Variants in AKAP11 observed in about 807,000 individuals in gnomAD.
AKAP11 encodes A-kinase anchoring protein 11, also known as A-kinase anchor protein 11.
A neutral mutation model predicts 146.1 loss-of-function variants in AKAP11; 36 were observed. The ratio of observed to expected loss-of-function variants is 0.25; its 90% CI spans 0.19 to 0.33. The LOEUF (loss-of-function observed/expected upper bound fraction) is 0.33, where lower values mean the gene tolerates loss of function less well. Ranked by LOEUF, AKAP11 falls within the 10% of genes least tolerant of loss-of-function variation. The probability of loss-of-function intolerance (pLI) is 1.00; values close to 1 mark genes in which losing one functional copy is unlikely to be tolerated. For missense variants in AKAP11, 2,201 were observed against 2,197.0 expected (o/e 1.00, Z -0.04); for synonymous variants, 780 against 786.5 (o/e 0.99, Z 0.14).
At chr13:42,288,800 G>A (rs1211950224) in intron 3 of AKAP11, among the ~76,000 whole-genome samples, 1 of 152,034 alleles carries the variant, frequency 6.6e-6, no homozygotes, top group African/African-American at 2.4e-5. Context: ...TTTCACATCT[G>A]GATTTCTCTG....
intron 9 of AKAP11, among the ~76,000 whole-genome samples, chr13:42,308,914 A>C (rs999090475): frequency 6.7e-6 from 1 of 148,728 alleles, no homozygotes; most frequent in African/African-American, 2.5e-5. Context: ...TTTTTTTTTC[A>C]CTTTAAAAAG....
chr13:42,303,069 A>G lies in AKAP11; in HGVS notation c.4323A>G (p.Glu1441=). The part of the protein sequence containing the change: ...EGYFCKNQTC[E]RTLDPYRNEV... The stretch of plus-strand genomic sequence containing the variant: ...ACTTTTGTAAAAATCAAACTTGTGA[A>G]AGGACCCTGGATCCATATAGAAATG... Residue 1441 remains glutamate (E), a synonymous_variant, in exon 8 of 13, where the codon GAA becomes GAG. Transcript: ENST00000025301. The G allele has an allele frequency of 6.2e-7, 1 of 1,613,204 alleles. No individual in the cohort carries two copies. Among genetic ancestry groups the G allele is most frequent in the Non-Finnish European group, 8.5e-7 (1 of 1,179,844 alleles).
Position 42,297,141 on chromosome 13 carries a change from A to G in AKAP11, c.310A>G (p.Ile104Val). Residue 104 changes from isoleucine (I) to valine (V), a missense_variant, in exon 6 of 13, where the codon ATA becomes GTA. Coordinates refer to ENST00000025301, the MANE Select transcript of AKAP11 (RefSeq NM_016248.4). ...NENEIICMKN[I>V]NKPLDISSDP... ...AAATGAAATTATTTGTATGAAGAAT[A>G]TAAATAAACCATTAGATATAAGCAG... The G allele has an allele frequency of 2.5e-6, 4 of 1,572,250 alleles. No homozygotes were observed. Among genetic ancestry groups the G allele is most frequent in the Middle Eastern group, 1.7e-4 (1 of 5,772 alleles).
chr13:42,301,187 G>A lies in AKAP11; in HGVS notation c.2441G>A (p.Gly814Asp). Reference protein sequence around the residue: ...HLSSDDSNSNGDSAQVHIATK... With the variant: ...HLSSDDSNSNDDSAQVHIATK... Reference sequence around the variant, plus strand: ...TCATCTGATGATAGTAATTCAAATGGTGATTCTGCCCAAGTGCATATTGCC... The same window carrying A: ...TCATCTGATGATAGTAATTCAAATGATGATTCTGCCCAAGTGCATATTGCC... Residue 814 changes from glycine (G) to aspartate (D), a missense_variant, in exon 8 of 13, where the codon GGT (glycine) becomes GAT (aspartate). Around this residue, in one of 3 missense-constraint regions of AKAP11, gnomAD observed 1,867 missense variants for 1,833.5 expected, o/e 1.02. Coordinates refer to ENST00000025301, the MANE Select transcript of AKAP11 (RefSeq NM_016248.4). 6.2e-7 allele frequency: 1 copy of A among 1,614,054 alleles called. No homozygotes were observed. Among genetic ancestry groups the A allele is most frequent in the Non-Finnish European group, 8.5e-7 (1 of 1,179,956 alleles).
intron 1 of AKAP11, among the ~76,000 whole-genome samples, chr13:42,280,225 C>T (rs1293444981): frequency 6.6e-6 from 1 of 152,192 alleles, no homozygotes; most frequent in African/African-American, 2.4e-5. Context: ...TCAGGGATCA[C>T]AATCCCGTGT....
Position 42,308,575 on chromosome 13 carries a change from G to A in AKAP11, c.5239G>A (p.Asp1747Asn). The A allele has an allele frequency of 6.2e-7, 1 of 1,613,078 alleles. No homozygotes were observed. The highest frequency in any genetic ancestry group is 1.7e-5 in the Admixed American group (1 of 59,976). Reference protein sequence around the residue: ...SNLSFEDEHQDESSSFHHLSE... With the variant: ...SNLSFEDEHQNESSSFHHLSE... ...TTTAAGTTTTGAAGATGAACACCAA[G>A]ATGAAAGCAGCAGTTTTCATCATCT... Residue 1747 changes from aspartate to asparagine, a missense_variant, in exon 9 of 13, where the codon GAT (aspartate) becomes AAT (asparagine). Physicochemically the swap from Asp to Asn is conservative, Grantham distance 23. Around this residue, in one of 3 missense-constraint regions of AKAP11, gnomAD observed 1,867 missense variants for 1,833.5 expected, o/e 1.02. Transcript: ENST00000025301.
At chr13:42,306,323 C>T (rs571768430) in intron 8 of AKAP11, among the ~76,000 whole-genome samples, 104 of 152,288 alleles carry the variant, frequency 6.8e-4, no homozygotes, top group African/African-American at 2.4e-3. Context: ...GTCTGCCCTA[C>T]GGACCCATCC....
Position 42,300,037 on chromosome 13 carries a change from C to T in AKAP11, c.1291C>T (p.Pro431Ser). The T allele has an allele frequency of 6.2e-7, 1 of 1,613,938 alleles. No individual in the cohort carries two copies. The highest frequency in any genetic ancestry group is 8.5e-7 in the Non-Finnish European group (1 of 1,179,834). ...TCCATATGGTAACCTGTGTGATGCT[C>T]CGGATTCTCCTCGCCCAGTGAAGGC... ...ESPYGNLCDA[P>S]DSPRPVKASR... The change falls in exon 8 of 13, where the codon CCG becomes TCG. Residue 431 changes from proline (P) to serine (S), a missense_variant. Around this residue, in one of 3 missense-constraint regions of AKAP11, gnomAD observed 1,867 missense variants for 1,833.5 expected, o/e 1.02. Transcript: ENST00000025301.
At chr13:42,279,705 G>A (rs910404995) in intron 1 of AKAP11, among the ~76,000 whole-genome samples, 4 of 151,616 alleles carry the variant, frequency 2.6e-5, no homozygotes, top group Admixed American at 2.0e-4. Context: ...TTTTCTCTTG[G>A]TTATGGTTCA....
chr13:42,315,163 A>G (rs977423839), intron 11 of AKAP11, among the ~76,000 whole-genome samples: 1 of 152,196 alleles, frequency 6.6e-6, no homozygotes, highest in African/African-American at 2.4e-5. Flanking sequence ...TTACTTTATG[A>G]CACCTGAATT....
chr13:42,302,798 A>G lies in AKAP11; in HGVS notation c.4052A>G (p.Gln1351Arg), dbSNP rs746244978. ...VTDEYAGHLI[Q>R]ILKQEGGNSE... The stretch of plus-strand genomic sequence containing the variant: ...GATGAATATGCAGGTCACCTTATTC[A>G]GATACTAAAACAGGAAGGTGGTAAT... Residue 1351 changes from glutamine to arginine, a missense_variant, in exon 8 of 13, where the codon CAG becomes CGG. By Grantham distance (43) the Gln-to-Arg change is conservative. Coordinates refer to ENST00000025301, the MANE Select transcript of AKAP11 (RefSeq NM_016248.4). 1.9e-6 allele frequency: 3 copies of G among 1,614,018 alleles called. No individual in the cohort carries two copies. Among genetic ancestry groups the G allele is most frequent in the Admixed American group, 1.7e-5 (1 of 60,006 alleles).
At position 42,299,623 on chromosome 13, in the gene AKAP11, G is replaced by C; in HGVS notation, c.877G>C (p.Asp293His). The C allele has an allele frequency of 2.5e-6, 4 of 1,613,916 alleles. No homozygotes were observed. In the South Asian group the frequency reaches 4.4e-5, roughly 18 times the overall value. The part of the protein sequence containing the change: ...RSSNASDKDS[D>H]LQKTFFSSSP... ...ATCTAATGCTTCAGATAAAGATAGTGATTTACAGAAAACATTTTTTTCGTC... is the reference window on the plus strand; with the variant it reads ...ATCTAATGCTTCAGATAAAGATAGTCATTTACAGAAAACATTTTTTTCGTC... Residue 293 changes from aspartate (D) to histidine (H), a missense_variant, in exon 8 of 13, where the codon GAT becomes CAT. Coordinates refer to ENST00000025301, the MANE Select transcript of AKAP11 (RefSeq NM_016248.4).
chr13:42,304,506 C>G (rs1458287768), intron 8 of AKAP11, among the ~76,000 whole-genome samples: 1 of 152,134 alleles, frequency 6.6e-6, no homozygotes, highest in Admixed American at 6.5e-5. Context: ...GGGGACTATT[C>G]TATAGTAAAT....
chr13:42,295,602 G>T (rs569785922), intron 4 of AKAP11, 93 bp from the exon 5 acceptor site: 6 of 1,206,576 alleles, frequency 5.0e-6, no homozygotes, highest in Non-Finnish European at 7.3e-6. Flanking sequence ...GCATTTTAAT[G>T]CTTTGTCTGT....
chr13:42,313,530 G>A (rs1468450885), intron 10 of AKAP11, among the ~76,000 whole-genome samples: 1 of 152,066 alleles, frequency 6.6e-6, no homozygotes, highest in South Asian at 2.1e-4. Context: ...TATATAAATT[G>A]CATCAGCTAA....
intron 12 of AKAP11, among the ~76,000 whole-genome samples, chr13:42,318,609 T>C (rs1027349708): frequency 2.6e-5 from 4 of 152,212 alleles, no homozygotes; most frequent in African/African-American, 7.2e-5. Flanking sequence ...TTAACATTCT[T>C]TAACTTAGAA....
In AKAP11 at chr13:42,319,800, GCA is replaced by G. The variant is rs1960999426; in HGVS notation, c.*573_*574del. 1 of 151,988 alleles carries G rather than the reference GCA, an allele frequency of 6.6e-6. No individual in the cohort carries two copies. Among genetic ancestry groups the G allele is most frequent in the African/African-American group, 2.4e-5 (1 of 41,226 alleles). The allele number at this position is 151,988 out of a possible 1,614,324, so 9.4% of individuals were successfully genotyped here. ...TTTCCCCAAACTATTTAATTTCTTAGCAGAAACATTAGTATTTTAGGTTTCTA... is the reference window on the plus strand; with the variant it reads ...TTTCCCCAAACTATTTAATTTCTTAGGAAACATTAGTATTTTAGGTTTCTA... On this transcript the variant is annotated 3_prime_UTR_variant, in exon 13 of 13. Coordinates refer to ENST00000025301, the MANE Select transcript of AKAP11 (RefSeq NM_016248.4).
At chr13:42,274,369 T>G (rs1053753203) in intron 1 of AKAP11, among the ~76,000 whole-genome samples, 6 of 152,134 alleles carry the variant, frequency 3.9e-5, no homozygotes, top group Non-Finnish European at 7.4e-5. Flanking sequence ...CAGTCATCCT[T>G]ACATATAAAA....
In AKAP11 at chr13:42,309,630, A is replaced by G. The variant is rs192101324; in HGVS notation, c.5273+1021A>G. Reference sequence around the variant, plus strand: ...TTTTGTCATAGTTTATTATGGTGCTATATAAACCACCAATATTTCTTAAAA... The same window carrying G: ...TTTTGTCATAGTTTATTATGGTGCTGTATAAACCACCAATATTTCTTAAAA... On this transcript the variant is annotated intron_variant, in intron 9 of 12. Transcript: ENST00000025301. Among the ~76,000 whole-genome samples the G allele has an allele frequency of 8.4e-3, 1,273 of 152,368 alleles. 11 individuals are homozygous for G. The highest frequency in any genetic ancestry group is 0.035 in the South Asian group (169 of 4,834).
Sources: gnomAD v4.1 joint callset for allele counts (sites outside exome capture counted in the v4.1 genomes callset) on GRCh38, gnomAD v4.1.1 for gene constraint, gnomAD v4.1.1 regional missense constraint, MANE v1.5 for transcripts, NCBI Gene and HGNC (gene_info 2026-07-23, HGNC 2026-07-21) for gene names.